LRP1B: variants seen among roughly 807,000 people sequenced by gnomAD.
LRP1B encodes the protein LDL receptor related protein 1B.
LRP1B carries 217 observed loss-of-function variants against 556.6 expected under a neutral mutation model. The observed-to-expected ratio is 0.39, with a 90% CI of 0.35 to 0.44. The LOEUF (loss-of-function observed/expected upper bound fraction) is 0.44. LRP1B is among the 20% of genes least tolerant of loss of function. LRP1B has a pLI of 1.00. For missense variants in LRP1B, 5,053 were observed against 5,620.8 expected (o/e 0.90, Z 3.23); for synonymous variants, 2,047 against 1,865.8 (o/e 1.10, Z -2.50).
chr2:140,669,119 A>G (rs1685391828), intron 41 of LRP1B, among the ~76,000 whole-genome samples: 1 of 152,178 alleles, frequency 6.6e-6, no homozygotes, highest in Non-Finnish European at 1.5e-5. Context: ...ATCTGCATTC[A>G]AGTGCTTGCT....
At chr2:141,383,422 G>GT (rs1344236298) in intron 3 of LRP1B, among the ~76,000 whole-genome samples, 2 of 152,144 alleles carry the variant, frequency 1.3e-5, no homozygotes, top group African/African-American at 4.8e-5. Flanking sequence ...CACATTCATT[G>GT]TAACCTTATT....
intron 35 of LRP1B, among the ~76,000 whole-genome samples, chr2:140,751,124 C>T (rs1014153817): frequency 2.0e-5 from 3 of 151,476 alleles, no homozygotes; most frequent in Non-Finnish European, 4.4e-5. Flanking sequence ...TCCCGAGTAG[C>T]TGGGATTACA....
intron 49 of LRP1B, among the ~76,000 whole-genome samples, chr2:140,518,530 C>A (rs1194898257): frequency 6.6e-6 from 1 of 152,100 alleles, no homozygotes; most frequent in Admixed American, 6.6e-5. Context: ...AAGATAATTT[C>A]AAAATTAACT....
intron 15 of LRP1B, among the ~76,000 whole-genome samples, chr2:140,996,266 G>C (rs1697242395): frequency 6.6e-6 from 1 of 151,978 alleles, no homozygotes; most frequent in Non-Finnish European, 1.5e-5. Flanking sequence ...GATGTAATCA[G>C]TAGTTATATC....
intron 2 of LRP1B, among the ~76,000 whole-genome samples, chr2:141,741,623 G>A (rs1422259490): frequency 6.6e-6 from 1 of 151,954 alleles, no homozygotes; most frequent in African/African-American, 2.4e-5. Flanking sequence ...CAGATCTTTT[G>A]CCCATTTTTA....
At chr2:141,074,776 A>T (rs145713789) in intron 7 of LRP1B, among the ~76,000 whole-genome samples, 1,608 of 152,062 alleles carry the variant, frequency 0.011, 14 homozygotes, top group Non-Finnish European at 0.017. Flanking sequence ...GGCATAGAAA[A>T]ATACATTTTC....
intron 25 of LRP1B, among the ~76,000 whole-genome samples, chr2:140,879,128 A>G (rs972413909): frequency 3.3e-5 from 5 of 152,318 alleles, no homozygotes; most frequent in Admixed American, 2.6e-4. Context: ...CCCACTCTGC[A>G]ATGATAACAC....
At chr2:141,112,448 A>C (rs916452816) in intron 7 of LRP1B, among the ~76,000 whole-genome samples, 1 of 152,148 alleles carries the variant, frequency 6.6e-6, no homozygotes, top group Non-Finnish European at 1.5e-5. Context: ...GGTGCTGTCT[A>C]ATGTTCCTAA....
At chr2:140,750,991 C>CTTTTTTTTTT (rs562658619) in intron 35 of LRP1B, among the ~76,000 whole-genome samples, 1 of 98,094 alleles carries the variant, frequency 1.0e-5, no homozygotes, top group Non-Finnish European at 2.0e-5. Flanking sequence ...CTTTTTTTTT[C>CTTTTTTTTTT]TTTTTTTTTT....
At chr2:140,548,914 G>A (rs1265488835) in intron 43 of LRP1B, among the ~76,000 whole-genome samples, 1 of 152,000 alleles carries the variant, frequency 6.6e-6, no homozygotes, top group Non-Finnish European at 1.5e-5. Flanking sequence ...GACAGAGCAA[G>A]ACTCTGTCTC....
intron 3 of LRP1B, among the ~76,000 whole-genome samples, chr2:141,329,643 C>CAAAAAAAAAAAAAA (rs71391650): frequency 3.5e-5 from 1 of 28,972 alleles, no homozygotes; most frequent in Non-Finnish European, 6.8e-5. Context: ...GACTCTGTCT[C>CAAAAAAAAAAAAAA]AAAAAAAAAA....
At chr2:141,165,399 C>A (rs748892478) in intron 7 of LRP1B, among the ~76,000 whole-genome samples, 2 of 151,792 alleles carry the variant, frequency 1.3e-5, no homozygotes, top group Non-Finnish European at 2.9e-5. Flanking sequence ...ATATTAATAG[C>A]AATCATTAAA....
chr2:141,078,699 G>A (rs1699853127), intron 7 of LRP1B, among the ~76,000 whole-genome samples: 1 of 152,146 alleles, frequency 6.6e-6, no homozygotes, highest in Admixed American at 6.5e-5. Flanking sequence ...TAACCTTTGA[G>A]TTGTCCCAGG....
chr2:140,525,786 C>A (rs891475368), intron 49 of LRP1B, 58 bp downstream of exon 49: 3 of 1,545,876 alleles, frequency 1.9e-6, no homozygotes, highest in Non-Finnish European at 1.8e-6. Flanking sequence ...CTCTATACAA[C>A]CAGGTAGCCT....
intron 7 of LRP1B, among the ~76,000 whole-genome samples, chr2:141,127,549 C>G (rs528257890): frequency 6.6e-6 from 1 of 152,258 alleles, no homozygotes; most frequent in African/African-American, 2.4e-5. Flanking sequence ...CCATGGAATA[C>G]TATGCAGCCA....
chr2:141,153,849 C>A (rs935101743), intron 7 of LRP1B, among the ~76,000 whole-genome samples: 12 of 150,732 alleles, frequency 8.0e-5, no homozygotes, highest in Non-Finnish European at 1.6e-4. Context: ...GGATGGGAAA[C>A]AATAAGGAAG....
chr2:141,217,342 T>C (rs1022918532), intron 6 of LRP1B, among the ~76,000 whole-genome samples: 1 of 152,170 alleles, frequency 6.6e-6, no homozygotes, highest in Non-Finnish European at 1.5e-5. Context: ...ACATGTGTTA[T>C]AATTGGGTGT....
At chr2:140,390,923 C>G (rs564314491) in intron 66 of LRP1B, among the ~76,000 whole-genome samples, 1 of 151,836 alleles carries the variant, frequency 6.6e-6, no homozygotes, top group Non-Finnish European at 1.5e-5. Context: ...TCAAAAAGGC[C>G]ATATCTAATT....
At chr2:141,601,510 C>G (rs4287717) in intron 2 of LRP1B, among the ~76,000 whole-genome samples, 98,977 of 152,012 alleles carry the variant, frequency 0.65, 34,872 homozygotes, top group Non-Finnish European at 0.79. Flanking sequence ...TAACTGTAGG[C>G]CTTCACCTTG....
Sources: allele counts gnomAD v4.1 joint callset (sites outside exome capture counted in the v4.1 genomes callset), GRCh38; gene constraint gnomAD v4.1.1; transcripts MANE v1.5; gene names NCBI Gene and HGNC (gene_info 2026-07-23, HGNC 2026-07-21).